Variants in NPM1 observed in about 807,000 individuals in gnomAD.
The protein encoded by NPM1 is nucleophosmin 1.
A neutral mutation model predicts 44.1 loss-of-function variants in NPM1; 1 was observed. That is an observed-to-expected ratio of 0.02 (90% CI 0.01 to 0.11). The LOEUF (loss-of-function observed/expected upper bound fraction) is 0.11, where lower values mean the gene tolerates loss of function less well. Among genes scored for constraint, NPM1 ranks in the 10% least tolerant of loss-of-function variants. The pLI, the probability that NPM1 is intolerant of heterozygous loss-of-function variation, is 1.00. For synonymous variants in NPM1, 126 were observed against 111.8 expected (o/e 1.13, Z -0.80); for missense variants, 197 against 347.8 (o/e 0.57, Z 3.45).
intron 8 of NPM1, among the ~76,000 whole-genome samples, chr5:171,402,003 A>G (rs1287216985): frequency 1.3e-5 from 2 of 151,432 alleles, no homozygotes; most frequent in Non-Finnish European, 2.9e-5. Flanking sequence ...GGCGCCAGGC[A>G]TCAGACTACA....
intron 7 of NPM1, among the ~76,000 whole-genome samples, chr5:171,400,563 TCTC>T (rs1771143739): frequency 6.6e-6 from 1 of 151,586 alleles, no homozygotes; most frequent in Non-Finnish European, 1.5e-5. Context: ...TTGAAGCGAT[TCTC>T]CTGCCTCAGC....
At chr5:171,396,282 G>A (rs1770879372) in intron 6 of NPM1, among the ~76,000 whole-genome samples, 1 of 152,184 alleles carries the variant, frequency 6.6e-6, no homozygotes, top group Non-Finnish European at 1.5e-5. Context: ...CACCCTGCCA[G>A]TAAAGCTGTT....
chr5:171,389,488 C>G lies in NPM1; in HGVS notation c.59-563C>G, dbSNP rs28616072. ...TATATCAGTACTTTTTGATAACTAT[C>G]GGAAAGAACCCTCCTTGTCTTAAAC... is the stretch of plus-strand genomic sequence containing the variant. On this transcript the variant is annotated intron_variant, in intron 1 of 10. Transcript: ENST00000296930. 3.8e-3 allele frequency among the ~76,000 whole-genome samples: 577 copies of G among 152,280 alleles called. 3 individuals are homozygous for G. The highest frequency in any genetic ancestry group is 0.011 in the African/African-American group (463 of 41,562).
At chr5:171,391,590 T>C in intron 3 of NPM1, 116 bp from the exon 4 acceptor site, 1 of 1,126,092 alleles carries the variant, frequency 8.9e-7, no homozygotes, top group African/African-American at 1.6e-5. Flanking sequence ...CTGCTACTTT[T>C]ATCAGAGGTG....
chr5:171,399,525 CTG>C (rs1475568688), intron 6 of NPM1, among the ~76,000 whole-genome samples: 6 of 152,210 alleles, frequency 3.9e-5, no homozygotes, highest in African/African-American at 9.6e-5. Flanking sequence ...GTGTGAGACA[CTG>C]TGCCAGTTCT....
At chr5:171,392,681 T>G in intron 4 of NPM1, 29 bp from the exon 5 acceptor site, 1 of 1,502,036 alleles carries the variant, frequency 6.7e-7, no homozygotes, top group Non-Finnish European at 9.2e-7. Flanking sequence ...CTGCTTGAGT[T>G]TTATAATGTC....
At chr5:171,405,097 C>CTAGCTA (rs1271927864) in intron 8 of NPM1, among the ~76,000 whole-genome samples, 1 of 152,122 alleles carries the variant, frequency 6.6e-6, no homozygotes, top group African/African-American at 2.4e-5. Context: ...ACCACCATGC[C>CTAGCTA]TAGCTAATCA....
intron 10 of NPM1, 36 bp downstream of exon 10, chr5:171,407,810 GT>G (rs749083497): frequency 1.4e-5 from 18 of 1,321,450 alleles, no homozygotes; most frequent in Non-Finnish European, 2.0e-5. Flanking sequence ...TTAAATCCAA[GT>G]TTTTTTGTGA....
chr5:171,406,731 A>C (rs1771592300), intron 9 of NPM1: 2 of 1,142,664 alleles, frequency 1.8e-6, no homozygotes, highest in Non-Finnish European at 2.2e-6. Context: ...GCATCAATTA[A>C]GAATGTATGT....
chr5:171,405,360 C>G lies in NPM1; in HGVS notation c.728C>G (p.Ser243Cys), dbSNP rs1771507500. Residue 243 changes from serine (S) to cysteine (C), a missense_variant, in exon 9 of 11, where the codon TCT (serine) becomes TGT (cysteine). By Grantham distance (112) the Ser-to-Cys change is moderately radical. This residue lies in a region of NPM1 where 47 missense variants were observed against 106.5 expected (regional missense o/e 0.44). Transcript: ENST00000296930. ...KTPKTPKGPS[S>C]VEDIKAKMQA... ...CCTAAAACACCAAAAGGACCTAGTT[C>G]TGTAGAAGACATTAAAGCAAAAATG... is the stretch of plus-strand genomic sequence containing the variant. The G allele has an allele frequency of 6.3e-7, 1 of 1,594,978 alleles. No homozygotes were observed. The highest frequency in any genetic ancestry group is 8.6e-7 in the Non-Finnish European group (1 of 1,166,362).
At chr5:171,391,558 C>A in intron 3 of NPM1, 134 bp downstream of exon 3, 1 of 1,239,142 alleles carries the variant, frequency 8.1e-7, no homozygotes, top group Non-Finnish European at 1.2e-6. Context: ...CGATGGTCAA[C>A]TCTTGAACAT....
intron 1 of NPM1, among the ~76,000 whole-genome samples, chr5:171,388,517 C>T (rs78276384): frequency 0.11 from 15,848 of 147,346 alleles, 996 homozygotes; most frequent in Middle Eastern, 0.17. Flanking sequence ...GTGCTTCGGC[C>T]AGTTACTGGG....
At chr5:171,402,397 C>T (rs1771262240) in intron 8 of NPM1, among the ~76,000 whole-genome samples, 1 of 151,058 alleles carries the variant, frequency 6.6e-6, no homozygotes. Flanking sequence ...TGCTTACACA[C>T]TCTTGGTGGG....
Position 171,392,741 on chromosome 5 carries a change from A to G in NPM1, c.384A>G (p.Glu128=). 3 of 1,612,900 alleles carry G rather than the reference A, an allele frequency of 1.9e-6. No individual in the cohort carries two copies. The highest frequency in any genetic ancestry group is 2.2e-5 in the South Asian group (2 of 91,032). Residue 128 remains glutamate (E), a synonymous_variant, in exon 5 of 11, where the codon GAA becomes GAG. Coordinates refer to ENST00000296930, the MANE Select transcript of NPM1 (RefSeq NM_002520.7). ...AGGAAGATGCAGAGTCAGAAGATGAAGAGGAGGAGGATGTGAAACTCTTAA... is the reference window on the plus strand; with the variant it reads ...AGGAAGATGCAGAGTCAGAAGATGAGGAGGAGGAGGATGTGAAACTCTTAA... The part of the protein sequence containing the change: ...AVEEDAESED[E]EEEDVKLLSI...
chr5:171,395,952 A>T (rs1359337368), intron 6 of NPM1, among the ~76,000 whole-genome samples: 5 of 146,004 alleles, frequency 3.4e-5, no homozygotes, highest in African/African-American at 5.1e-5. Flanking sequence ...GAATTTCTTA[A>T]GTAAAGCTGA....
chr5:171,390,097 T>C lies in NPM1; in HGVS notation c.105T>C (p.Asn35=). Reference sequence around the variant, plus strand: ...AAGATTATCACTTTAAGGTGGATAATGATGAAAATGAGCACCAGTTATCTT... The same window carrying C: ...AAGATTATCACTTTAAGGTGGATAACGATGAAAATGAGCACCAGTTATCTT... The part of the protein sequence containing the change: ...ADKDYHFKVD[N]DENEHQLSLR... Residue 35 remains asparagine, a synonymous_variant, in exon 2 of 11, where the codon AAT becomes AAC. Transcript: ENST00000296930. 6.3e-7 allele frequency: 1 copy of C among 1,576,720 alleles called. No individual in the cohort carries two copies.
intron 6 of NPM1, among the ~76,000 whole-genome samples, chr5:171,394,407 C>A (rs754401695): frequency 6.6e-6 from 1 of 152,100 alleles, no homozygotes; most frequent in African/African-American, 2.4e-5. Flanking sequence ...CTCCTAACCT[C>A]GGGCGATCTG....
chr5:171,403,914 T>C (rs1204781994), intron 8 of NPM1, among the ~76,000 whole-genome samples: 1 of 39,506 alleles, frequency 2.5e-5, no homozygotes, highest in Non-Finnish European at 5.1e-5. Flanking sequence ...GCGGGGGGCT[T>C]ACCCCCCCAC....
chr5:171,405,498 T>C, intron 9 of NPM1, 95 bp downstream of exon 9: 1 of 694,716 alleles, frequency 1.4e-6, no homozygotes, highest in Middle Eastern at 2.3e-4. Context: ...TTTTTGTTTG[T>C]TTTGGTTTAA....
Sources: gnomAD v4.1 joint callset for allele counts (sites outside exome capture counted in the v4.1 genomes callset) on GRCh38, gnomAD v4.1.1 for gene constraint, gnomAD v4.1.1 regional missense constraint, MANE v1.5 for transcripts, NCBI Gene and HGNC (gene_info 2026-07-23, HGNC 2026-07-21) for gene names.